The following RPH3AL variants were observed in gnomAD, a reference collection of about 807,000 sequenced individuals.
The protein encoded by RPH3AL is rabphilin 3A like (without C2 domains).
A neutral mutation model predicts 43.1 loss-of-function variants in RPH3AL; 38 were observed. That is an observed-to-expected ratio of 0.88 (90% CI 0.68 to 1.15). The LOEUF is 1.15. Ranked by LOEUF, RPH3AL falls within the 50% of genes most tolerant of loss-of-function variation. RPH3AL has a pLI of 0.00. For synonymous variants in RPH3AL, 189 were observed against 176.3 expected, an observed-to-expected ratio of 1.07 and a Z score of -0.57; for missense variants, 462 against 423.2, an observed-to-expected ratio of 1.09 and a Z score of -0.81.
At chr17:324,171 C>G (rs768649309) in intron 3 of RPH3AL, among the ~76,000 whole-genome samples, 3 of 152,232 alleles carry the variant, frequency 2.0e-5, no homozygotes, top group Non-Finnish European at 4.4e-5. Context: ...ACCGCTGACT[C>G]AAGGCCTGAG....
intron 5 of RPH3AL, among the ~76,000 whole-genome samples, chr17:310,436 C>A (rs2043615435): frequency 6.6e-6 from 1 of 152,216 alleles, no homozygotes; most frequent in Non-Finnish European, 1.5e-5. Context: ...CCCAACCATG[C>A]CTGGGCCTGG....
intron 5 of RPH3AL, among the ~76,000 whole-genome samples, chr17:282,251 G>A (rs2042798791): frequency 6.6e-6 from 1 of 152,206 alleles, no homozygotes; most frequent in African/African-American, 2.4e-5. Flanking sequence ...GAAATAATGC[G>A]ATTCAACAAA....
At position 285,691 on chromosome 17, in the gene RPH3AL, G is replaced by A. The variant is rs142430953; in HGVS notation, c.352-3837C>T. Among the ~76,000 whole-genome samples, 12 of 152,320 alleles carry A rather than the reference G, an allele frequency of 7.9e-5. 1 individual carries two copies. The East Asian group carries it at 9.7e-4, about 12-fold the overall frequency. On this transcript the variant is annotated intron_variant, in intron 5 of 9. Coordinates refer to ENST00000331302, the MANE Select transcript of RPH3AL (RefSeq NM_006987.4). ...GGTGGCTACCGCAAGGGACAGCAGA[G>A]AAATACATTTTCATCCTCACCGTGA...
chr17:231,269 C>G (rs1015889272), intron 7 of RPH3AL, among the ~76,000 whole-genome samples: 1 of 152,238 alleles, frequency 6.6e-6, no homozygotes, highest in Non-Finnish European at 1.5e-5. Context: ...GAATCTCACT[C>G]CCTCAGGCCC....
intron 1 of RPH3AL, among the ~76,000 whole-genome samples, chr17:341,898 A>G (rs1275670345): frequency 1.3e-5 from 2 of 152,170 alleles, no homozygotes; most frequent in African/African-American, 4.8e-5. Flanking sequence ...TTGTCCATCA[A>G]AGGACACTAT....
chr17:264,747 C>T lies in RPH3AL; in HGVS notation c.438+17021G>A, dbSNP rs2042281762. On this transcript the variant is annotated intron_variant, in intron 6 of 9. Transcript: ENST00000331302. This position sits in a 1 kb window ranked among gnomAD's most constrained non-coding sequence, Gnocchi z 4.8. The stretch of plus-strand genomic sequence containing the variant: ...GACCGGTATCAGCAAAAATGGAACA[C>T]AGAATGCAGCCATTCTTCCCCAAAC... Among the ~76,000 whole-genome samples the T allele has an allele frequency of 6.6e-6, 1 of 152,156 alleles. No homozygotes were observed. Among genetic ancestry groups the T allele is most frequent in the Non-Finnish European group, 1.5e-5 (1 of 68,024 alleles).
chr17:301,855 T>C (rs1598048514), intron 5 of RPH3AL, among the ~76,000 whole-genome samples: 2 of 152,274 alleles, frequency 1.3e-5, no homozygotes, highest in Non-Finnish European at 2.9e-5. Flanking sequence ...GAGTCATCCC[T>C]CTGAGCGTCA....
intron 6 of RPH3AL, among the ~76,000 whole-genome samples, chr17:268,239 C>A (rs561554010): frequency 1.3e-5 from 2 of 152,220 alleles, no homozygotes; most frequent in South Asian, 2.1e-4. Context: ...TCCCCGTCAC[C>A]CCTGTGACAA....
At chr17:242,300 T>A (rs62056564) in intron 7 of RPH3AL, among the ~76,000 whole-genome samples, 2 of 44,426 alleles carry the variant, frequency 4.5e-5, no homozygotes, top group Non-Finnish European at 6.3e-5. Context: ...CCTCTATTGA[T>A]TACCTTCCTC....
rs1224322644 is a variant in RPH3AL, at chr17:274,031, T to C, written c.438+7737A>G. 6.6e-6 allele frequency among the ~76,000 whole-genome samples: 1 copy of C among 152,190 alleles called. No homozygotes were observed. Among genetic ancestry groups the C allele is most frequent in the Non-Finnish European group, 1.5e-5 (1 of 68,030 alleles). On this transcript the variant is annotated intron_variant, in intron 6 of 9. Transcript: ENST00000331302. The surrounding 1 kb of genome is among the most constrained non-coding windows in gnomAD (Gnocchi z 4.7). ...GAATCCTGGGGAATCTAGATTCCAG[T>C]GAACTTTTCTACTGATTACAGCATC... is the stretch of plus-strand genomic sequence containing the variant.
chr17:315,165 C>T (rs71278595), intron 5 of RPH3AL, among the ~76,000 whole-genome samples: 6 of 2,552 alleles, frequency 2.4e-3, no homozygotes, highest in Non-Finnish European at 4.8e-3. Context: ...GTCCCTGTGC[C>T]CCCACCTCCA....
At chr17:218,806 G>A (rs56377713) in intron 8 of RPH3AL, among the ~76,000 whole-genome samples, 35,433 of 152,148 alleles carry the variant, frequency 0.23, 4,908 homozygotes, top group Non-Finnish European at 0.3. Flanking sequence ...ACTTGCTAAC[G>A]AGAAGGAAAT....
chr17:244,487 G>C (rs964330863), intron 7 of RPH3AL, among the ~76,000 whole-genome samples: 3 of 152,154 alleles, frequency 2.0e-5, no homozygotes, highest in African/African-American at 4.8e-5. Flanking sequence ...GAGGCTTAGA[G>C]AGAGGCTGAG....
chr17:275,570 A>C (rs1395825611), intron 6 of RPH3AL, among the ~76,000 whole-genome samples: 1 of 152,136 alleles, frequency 6.6e-6, no homozygotes, highest in Non-Finnish European at 1.5e-5. Flanking sequence ...TTCTGAGTAC[A>C]GTTTGGAACC....
chr17:220,256 G>C (rs1199696657), intron 7 of RPH3AL, among the ~76,000 whole-genome samples: 1 of 150,350 alleles, frequency 6.7e-6, no homozygotes. Flanking sequence ...CACTCACTGA[G>C]ACAATAGACC....
chr17:301,604 A>G (rs936244537), intron 5 of RPH3AL, among the ~76,000 whole-genome samples: 1 of 151,894 alleles, frequency 6.6e-6, no homozygotes, highest in African/African-American at 2.4e-5. Context: ...GGCCCACCTA[A>G]TTTTTTTCAT....
At chr17:316,704 C>A (rs2044226122) in intron 5 of RPH3AL, among the ~76,000 whole-genome samples, 1 of 150,798 alleles carries the variant, frequency 6.6e-6, no homozygotes, top group Non-Finnish European at 1.5e-5. Flanking sequence ...CCTCCATTGA[C>A]CTGTAGTCTC....
intron 6 of RPH3AL, among the ~76,000 whole-genome samples, chr17:263,510 G>A (rs147797822): frequency 5.8e-4 from 88 of 152,304 alleles, no homozygotes; most frequent in Admixed American, 1.2e-3. Flanking sequence ...GTTCCCCAAC[G>A]TTAGCTCTTC....
intron 7 of RPH3AL, among the ~76,000 whole-genome samples, chr17:231,994 G>C (rs1336144092): frequency 6.6e-6 from 1 of 152,268 alleles, no homozygotes; most frequent in African/African-American, 2.4e-5. Context: ...TTGTGCTCAG[G>C]ACATCTGTTC....
Sources: gnomAD v4.1 joint callset for allele counts (sites outside exome capture counted in the v4.1 genomes callset) on GRCh38, gnomAD v4.1.1 for gene constraint, Gnocchi (gnomAD v3.1) non-coding constraint, MANE v1.5 for transcripts, NCBI Gene and HGNC (gene_info 2026-07-23, HGNC 2026-07-21) for gene names.